TRPM6: variants seen among roughly 807,000 people sequenced by gnomAD.
The protein encoded by TRPM6 is channel kinase 2.
A neutral mutation model predicts 247.6 loss-of-function variants in TRPM6; 111 were observed. That is an observed-to-expected ratio of 0.45 (90% confidence interval 0.38 to 0.52). The LOEUF is 0.52. TRPM6 is among the 20% of genes least tolerant of loss of function. The pLI, the probability that TRPM6 is intolerant of heterozygous loss-of-function variation, is 0.00. For synonymous variants in TRPM6, 892 were observed against 853.8 expected (o/e 1.04, Z -0.78); for missense variants, 2,126 against 2,421.5 (o/e 0.88, Z 2.56).
chr9:74,742,049 A>T lies in TRPM6; in HGVS notation c.5200+512T>A, dbSNP rs566898491. On this transcript the variant is annotated intron_variant, in intron 33 of 38. Coordinates refer to ENST00000360774, the MANE Select transcript of TRPM6 (RefSeq NM_017662.5). ...CATGTCTTATCCTGCCAGACAGAGA[A>T]ATTTTGATAGCTTTAGCCAGGGTGA... Among the ~76,000 whole-genome samples, 3 of 152,276 alleles carry T rather than the reference A, an allele frequency of 2.0e-5. No homozygotes were observed. In the South Asian group the frequency reaches 6.2e-4, roughly 32 times the overall value.
intron 4 of TRPM6, 90 bp downstream of exon 4, chr9:74,842,076 A>C (rs968884082): frequency 2.8e-6 from 4 of 1,446,646 alleles, no homozygotes; most frequent in Non-Finnish European, 2.9e-6. Context: ...GTGCCATTGC[A>C]CTCCAGCCTG....
rs6560409 is a variant in TRPM6 at position 74,781,751 on chromosome 9, C to A, written c.3209+611G>T. Reference sequence around the variant, plus strand: ...CATCACTTGCTATCCTTTCATAATTCGAACTTACTGCCTAATCACAACTCA... The same window carrying A: ...CATCACTTGCTATCCTTTCATAATTAGAACTTACTGCCTAATCACAACTCA... On this transcript the variant is annotated intron_variant, in intron 23 of 38. Transcript: ENST00000360774. Among the ~76,000 whole-genome samples the A allele has an allele frequency of 4.3e-3, 660 of 152,076 alleles. 5 individuals are homozygous for A. Among genetic ancestry groups the A allele is most frequent in the African/African-American group, 0.015 (607 of 41,460 alleles).
chr9:74,810,166 T>A (rs894564417), intron 13 of TRPM6, among the ~76,000 whole-genome samples: 2 of 151,980 alleles, frequency 1.3e-5, no homozygotes, highest in Non-Finnish European at 2.9e-5. Context: ...GTACTCCCAA[T>A]TTTCAGGGGA....
At chr9:74,855,885 GATA>G (rs940524774) in intron 2 of TRPM6, among the ~76,000 whole-genome samples, 51 of 152,202 alleles carry the variant, frequency 3.4e-4, no homozygotes, top group African/African-American at 1.2e-3. Flanking sequence ...AATTATCAGA[GATA>G]ATAATATGTA....
intron 14 of TRPM6, among the ~76,000 whole-genome samples, chr9:74,805,244 A>T (rs1329481321): frequency 1.3e-5 from 2 of 152,202 alleles, no homozygotes; most frequent in African/African-American, 4.8e-5. Context: ...TCATTCTCCT[A>T]GGAAGAAATA....
intron 25 of TRPM6, among the ~76,000 whole-genome samples, chr9:74,770,350 A>T (rs1826989203): frequency 6.6e-6 from 1 of 152,240 alleles, no homozygotes. Context: ...AAATAGAGGA[A>T]CACATTTAAC....
At chr9:74,823,976 G>T (rs1829228427) in intron 7 of TRPM6, among the ~76,000 whole-genome samples, 1 of 151,904 alleles carries the variant, frequency 6.6e-6, no homozygotes, top group Admixed American at 6.6e-5. Flanking sequence ...CATATGAAAA[G>T]GTTAAGAATG....
chr9:74,750,372 A>G (rs1314854196), intron 30 of TRPM6, among the ~76,000 whole-genome samples: 1 of 152,242 alleles, frequency 6.6e-6, no homozygotes, highest in Non-Finnish European at 1.5e-5. Flanking sequence ...CCAAAAAGAT[A>G]TGATAATCAT....
intron 9 of TRPM6, among the ~76,000 whole-genome samples, 188 bp from the exon 10 acceptor site, chr9:74,817,152 GA>G (rs1318629366): frequency 2.0e-5 from 3 of 152,094 alleles, no homozygotes; most frequent in African/African-American, 4.8e-5. Flanking sequence ...ACTTGGGGGG[GA>G]AAAAACTAAA....
intron 3 of TRPM6, among the ~76,000 whole-genome samples, chr9:74,853,083 AGC>A (rs1564050892): frequency 1.4e-5 from 2 of 145,578 alleles, no homozygotes; most frequent in African/African-American, 5.2e-5. Context: ...GGATGTGAGG[AGC>A]GCCTCTGCCC....
chr9:74,758,454 A>T (rs1277560648), intron 27 of TRPM6, among the ~76,000 whole-genome samples: 2 of 152,316 alleles, frequency 1.3e-5, no homozygotes, highest in East Asian at 3.9e-4. Flanking sequence ...CAGTAAGGTA[A>T]TTTAATATTC....
At chr9:74,753,773 T>G (rs940740656) in intron 28 of TRPM6, among the ~76,000 whole-genome samples, 5 of 152,274 alleles carry the variant, frequency 3.3e-5, no homozygotes, top group South Asian at 2.1e-4. Context: ...TTTAATTCTT[T>G]TTCAATTAAT....
chr9:74,875,693 C>T (rs1009344206), intron 1 of TRPM6, among the ~76,000 whole-genome samples: 1 of 151,902 alleles, frequency 6.6e-6, no homozygotes, highest in Non-Finnish European at 1.5e-5. Flanking sequence ...GACTTTGGAC[C>T]CCATTCTCTC....
chr9:74,749,620 T>G (rs1826171126), intron 30 of TRPM6, among the ~76,000 whole-genome samples: 1 of 152,206 alleles, frequency 6.6e-6, no homozygotes, highest in Admixed American at 6.5e-5. Flanking sequence ...AAACTGTTAC[T>G]TGCCCTGCTC....
intron 1 of TRPM6, among the ~76,000 whole-genome samples, chr9:74,866,865 C>T (rs1830860810): frequency 6.6e-6 from 1 of 152,264 alleles, no homozygotes; most frequent in East Asian, 1.9e-4. Context: ...CTACCAAGTA[C>T]TCCAAAAAGT....
At chr9:74,789,980 A>G (rs933354141) in intron 19 of TRPM6, among the ~76,000 whole-genome samples, 1 of 136,462 alleles carries the variant, frequency 7.3e-6, no homozygotes. Context: ...AAAAAAAAAA[A>G]AAAAAGAAAA....
At chr9:74,852,475 C>G (rs889313568) in intron 3 of TRPM6, among the ~76,000 whole-genome samples, 1 of 150,782 alleles carries the variant, frequency 6.6e-6, no homozygotes, top group Admixed American at 6.6e-5. Context: ...CCCTCTCCCT[C>G]TCCCTCTCCG....
At chr9:74,786,902 A>C (rs1827696763) in intron 20 of TRPM6, among the ~76,000 whole-genome samples, 1 of 152,168 alleles carries the variant, frequency 6.6e-6, no homozygotes, top group African/African-American at 2.4e-5. Context: ...ACAAACTACT[A>C]AGAATATGAT....
At position 74,821,841 on chromosome 9, in the gene TRPM6, T is replaced by G; in HGVS notation, c.842-4A>C. ...ACCGGCACGCCTTGTCTTGAGCCTA[T>G]TCCAGACCACAAACAATACCACACT... On this transcript the variant is annotated splice_polypyrimidine_tract_variant and splice_region_variant and intron_variant, in intron 7 of 38. Transcript: ENST00000360774. 3 of 1,614,080 alleles carry G rather than the reference T, an allele frequency of 1.9e-6. No homozygotes were observed. Among genetic ancestry groups the G allele is most frequent in the Non-Finnish European group, 2.5e-6 (3 of 1,179,994 alleles).
Sources: gnomAD v4.1 joint callset for allele counts (sites outside exome capture counted in the v4.1 genomes callset) on GRCh38, gnomAD v4.1.1 for gene constraint, MANE v1.5 for transcripts, NCBI Gene and HGNC (gene_info 2026-07-23, HGNC 2026-07-21) for gene names.